Variants in CCDC178 observed in about 807,000 individuals in gnomAD.
CCDC178 encodes the protein coiled-coil domain containing 178.
Under a neutral mutation model 117.4 loss-of-function variants are expected in CCDC178, and 126 were observed. The observed-to-expected ratio is 1.07, with a 90% CI of 0.93 to 1.24. The LOEUF is 1.24. Ranked by LOEUF, CCDC178 falls within the 50% of genes most tolerant of loss-of-function variation. The pLI, the probability that CCDC178 is intolerant of heterozygous loss-of-function variation, is 0.00. For missense variants in CCDC178, 1,030 were observed against 986.9 expected, an observed-to-expected ratio of 1.04 and a Z score of -0.59; for synonymous variants, 283 against 313.4, an observed-to-expected ratio of 0.90 and a Z score of 1.02.
chr18:33,312,516 T>A (rs1180286059), intron 11 of CCDC178, among the ~76,000 whole-genome samples: 1 of 152,108 alleles, frequency 6.6e-6, no homozygotes, highest in East Asian at 1.9e-4. Flanking sequence ...ATCTTTATGT[T>A]CATGAAAGAC....
intron 20 of CCDC178, among the ~76,000 whole-genome samples, chr18:33,189,971 C>A (rs2058838848): frequency 6.6e-6 from 1 of 152,056 alleles, no homozygotes; most frequent in Non-Finnish European, 1.5e-5. Context: ...TGCCAGTGTG[C>A]CCTTATTCTC....
chr18:33,092,950 T>C, intron 20 of CCDC178, 40 bp from the exon 21 acceptor site: 4 of 1,208,360 alleles, frequency 3.3e-6, no homozygotes, highest in Admixed American at 2.7e-5. Context: ...TGTGTATATA[T>C]ATATAAACGC....
intron 20 of CCDC178, among the ~76,000 whole-genome samples, chr18:33,123,460 C>G (rs926384204): frequency 6.6e-6 from 1 of 152,044 alleles, no homozygotes; most frequent in Non-Finnish European, 1.5e-5. Flanking sequence ...TACAGACTCT[C>G]TTACTACAAA....
chr18:33,004,720 C>A (rs554201955), intron 21 of CCDC178, among the ~76,000 whole-genome samples: 1 of 152,042 alleles, frequency 6.6e-6, no homozygotes, highest in Non-Finnish European at 1.5e-5. Flanking sequence ...ATCCATCTGA[C>A]AAAGGATTAA....
At chr18:33,160,131 G>C (rs182255018) in intron 20 of CCDC178, among the ~76,000 whole-genome samples, 1 of 152,200 alleles carries the variant, frequency 6.6e-6, no homozygotes, top group Admixed American at 6.5e-5. Context: ...CCATGTTTCT[G>C]TACAATTGAG....
chr18:33,161,452 T>G (rs2058461936), intron 20 of CCDC178, among the ~76,000 whole-genome samples: 1 of 152,100 alleles, frequency 6.6e-6, no homozygotes, highest in Admixed American at 6.6e-5. Flanking sequence ...CTTTCCAACT[T>G]TTTCTTACGA....
chr18:33,014,388 C>G (rs1364974607), intron 21 of CCDC178, among the ~76,000 whole-genome samples: 1 of 152,160 alleles, frequency 6.6e-6, no homozygotes, highest in Non-Finnish European at 1.5e-5. Context: ...GAAGTGACAC[C>G]TATTGGGGCT....
At chr18:32,956,318 G>C (rs563045501) in intron 22 of CCDC178, among the ~76,000 whole-genome samples, 31 of 152,022 alleles carry the variant, frequency 2.0e-4, no homozygotes, top group African/African-American at 7.2e-4. Context: ...TATTTTTTAC[G>C]TAACTAAGAA....
At chr18:33,137,335 G>A (rs935045765) in intron 20 of CCDC178, among the ~76,000 whole-genome samples, 1 of 152,074 alleles carries the variant, frequency 6.6e-6, no homozygotes, top group African/African-American at 2.4e-5. Flanking sequence ...ATAAAATATA[G>A]TCTAAGGCAT....
intron 22 of CCDC178, among the ~76,000 whole-genome samples, chr18:32,948,734 CTA>C (rs1474555354): frequency 1.3e-5 from 2 of 152,016 alleles, no homozygotes; most frequent in Non-Finnish European, 2.9e-5. Context: ...ATTTTATAAA[CTA>C]TTCAATATAT....
intron 14 of CCDC178, among the ~76,000 whole-genome samples, chr18:33,250,357 C>G (rs889003619): frequency 6.6e-6 from 1 of 151,598 alleles, no homozygotes; most frequent in Non-Finnish European, 1.5e-5. Context: ...CTAGAATTAT[C>G]TAAACATGTT....
chr18:33,168,642 G>A (rs2058561743), intron 20 of CCDC178, among the ~76,000 whole-genome samples: 1 of 152,164 alleles, frequency 6.6e-6, no homozygotes, highest in African/African-American at 2.4e-5. Flanking sequence ...TGAAGTATGA[G>A]TTAGGAATAC....
chr18:32,951,218 G>GAT (rs1378440042), intron 22 of CCDC178, among the ~76,000 whole-genome samples: 1 of 152,084 alleles, frequency 6.6e-6, no homozygotes, highest in Non-Finnish European at 1.5e-5. Flanking sequence ...TGCCTTAAGG[G>GAT]ATAATCTGGA....
chr18:33,400,720 A>G (rs1488403728), intron 3 of CCDC178, among the ~76,000 whole-genome samples: 1 of 152,186 alleles, frequency 6.6e-6, no homozygotes, highest in Non-Finnish European at 1.5e-5. Flanking sequence ...CTTTCTTCGT[A>G]TCAGCAATAA....
chr18:33,419,644 A>G (rs189400292), intron 2 of CCDC178, among the ~76,000 whole-genome samples: 1 of 152,174 alleles, frequency 6.6e-6, no homozygotes, highest in African/African-American at 2.4e-5. Flanking sequence ...TAGACTTTTC[A>G]AAAAAAAGAA....
intron 20 of CCDC178, among the ~76,000 whole-genome samples, chr18:33,206,037 C>A (rs1237325395): frequency 2.6e-5 from 4 of 152,076 alleles, no homozygotes; most frequent in East Asian, 1.9e-4. Flanking sequence ...TAAATTTAAA[C>A]AACAGCTGAC....
At chr18:33,024,631 TTTA>T (rs763429015) in intron 21 of CCDC178, among the ~76,000 whole-genome samples, 2 of 151,694 alleles carry the variant, frequency 1.3e-5, no homozygotes, top group African/African-American at 2.4e-5. Context: ...GGAACACTTA[TTTA>T]TTATTATTAT....
intron 21 of CCDC178, among the ~76,000 whole-genome samples, chr18:32,989,741 C>A (rs185823898): frequency 6.6e-6 from 1 of 152,038 alleles, no homozygotes; most frequent in East Asian, 1.9e-4. Flanking sequence ...AAGTGGCAGC[C>A]CAGATTTGGC....
intron 9 of CCDC178, among the ~76,000 whole-genome samples, chr18:33,341,985 C>T (rs922353448): frequency 4.6e-5 from 7 of 151,918 alleles, no homozygotes; most frequent in African/African-American, 1.7e-4. Flanking sequence ...AAATGAAAAA[C>T]TCTAACTTGA....
Sources: allele counts gnomAD v4.1 joint callset (sites outside exome capture counted in the v4.1 genomes callset), GRCh38; gene constraint gnomAD v4.1.1; transcripts MANE v1.5; gene names NCBI Gene and HGNC (gene_info 2026-07-23, HGNC 2026-07-21).